The following PFDN1 variants were observed in gnomAD, a reference collection of about 807,000 sequenced individuals.
The protein encoded by PFDN1 is prefoldin 1.
In PFDN1, 6 loss-of-function variants were observed where a neutral mutation model predicts 17.3. The observed-to-expected ratio is 0.35, with a 90% CI of 0.19 to 0.69. The LOEUF is 0.69. Ranked by LOEUF, PFDN1 falls within the 30% of genes least tolerant of loss-of-function variation. The pLI is 0.65. For missense variants in PFDN1, 113 were observed against 146.2 expected, an observed-to-expected ratio of 0.77 and a Z score of 1.17; for synonymous variants, 58 against 50.1, an observed-to-expected ratio of 1.16 and a Z score of -0.67.
At chr5:140,269,252 A>T (rs951748438) in intron 3 of PFDN1, among the ~76,000 whole-genome samples, 3 of 151,584 alleles carry the variant, frequency 2.0e-5, no homozygotes, top group African/African-American at 4.9e-5. Flanking sequence ...GGCTCAAAAG[A>T]TCTGCCTGCC....
At chr5:140,299,362 T>G (rs1412702466) in intron 2 of PFDN1, among the ~76,000 whole-genome samples, 1 of 152,078 alleles carries the variant, frequency 6.6e-6, no homozygotes, top group Admixed American at 6.5e-5. Context: ...CCCAGCACTG[T>G]GGGAGGCCAA....
intron 2 of PFDN1, among the ~76,000 whole-genome samples, chr5:140,294,602 A>G (rs541901005): frequency 3.9e-5 from 6 of 152,232 alleles, no homozygotes; most frequent in Admixed American, 3.3e-4. Context: ...CAAAACCAAC[A>G]TAACATTCTA....
intron 3 of PFDN1, among the ~76,000 whole-genome samples, chr5:140,257,573 C>A (rs982970354): frequency 3.3e-5 from 5 of 152,250 alleles, no homozygotes; most frequent in African/African-American, 1.2e-4. Flanking sequence ...TCCAGTAACT[C>A]TCTAAAACAT....
At chr5:140,276,015 TTG>T (rs1765285615) in intron 3 of PFDN1, among the ~76,000 whole-genome samples, 1 of 149,256 alleles carries the variant, frequency 6.7e-6, no homozygotes, top group South Asian at 2.2e-4. Flanking sequence ...AGAAGAGAAA[TTG>T]ATGATGATGA....
At chr5:140,287,537 C>T (rs1459531987) in intron 2 of PFDN1, among the ~76,000 whole-genome samples, 1 of 152,100 alleles carries the variant, frequency 6.6e-6, no homozygotes, top group Non-Finnish European at 1.5e-5. Flanking sequence ...ACCACAGCTT[C>T]TTGGAAAAAT....
chr5:140,276,468 A>G (rs1765294934), intron 3 of PFDN1, among the ~76,000 whole-genome samples: 2 of 152,176 alleles, frequency 1.3e-5, no homozygotes, highest in South Asian at 4.1e-4. Flanking sequence ...GCAGAATGAA[A>G]AAAGAGCAAG....
intron 2 of PFDN1, among the ~76,000 whole-genome samples, chr5:140,286,595 T>TGCGG (rs1311899086): frequency 2.2e-4 from 1 of 4,454 alleles, no homozygotes; most frequent in Non-Finnish European, 1.0e-3. Flanking sequence ...CAATTTTTTT[T>TGCGG]GCGGGGGGGG....
chr5:140,300,593 C>T lies in PFDN1; in HGVS notation c.34-11G>A. 1 of 1,580,822 alleles carries T rather than the reference C, an allele frequency of 6.3e-7. No homozygotes were observed. The highest frequency in any genetic ancestry group is 8.6e-7 in the Non-Finnish European group (1 of 1,161,580). ...AAGCTCTGTGAAGGCCTAATAAAAACAAGTCCATGATTTAGTAGGTAAAAC... is the reference window on the plus strand; with the variant it reads ...AAGCTCTGTGAAGGCCTAATAAAAATAAGTCCATGATTTAGTAGGTAAAAC... On this transcript the variant is annotated splice_polypyrimidine_tract_variant and intron_variant, in intron 1 of 3. Coordinates refer to ENST00000261813, the MANE Select transcript of PFDN1 (RefSeq NM_002622.5).
intron 2 of PFDN1, among the ~76,000 whole-genome samples, chr5:140,287,511 A>G (rs1718623990): frequency 6.6e-6 from 1 of 152,196 alleles, no homozygotes; most frequent in Non-Finnish European, 1.5e-5. Context: ...CCACTCTCCA[A>G]TAAAAGGAAT....
chr5:140,248,509 C>T (rs762194288), intron 3 of PFDN1, among the ~76,000 whole-genome samples: 7 of 152,204 alleles, frequency 4.6e-5, no homozygotes, highest in Non-Finnish European at 1.0e-4. Flanking sequence ...ACCTGGGCAC[C>T]CTGTGGACCC....
chr5:140,295,414 C>T (rs1765637691), intron 2 of PFDN1, among the ~76,000 whole-genome samples: 1 of 152,110 alleles, frequency 6.6e-6, no homozygotes, highest in Non-Finnish European at 1.5e-5. Flanking sequence ...TTTGTCTATT[C>T]CCTCCTTGCA....
chr5:140,288,637 A>G (rs974897641), intron 2 of PFDN1, among the ~76,000 whole-genome samples: 1 of 152,188 alleles, frequency 6.6e-6, no homozygotes, highest in Non-Finnish European at 1.5e-5. Context: ...AGGGAGTGAG[A>G]GCTTGCTGTT....
intron 3 of PFDN1, among the ~76,000 whole-genome samples, chr5:140,272,954 G>A (rs1204494283): frequency 6.6e-6 from 1 of 152,132 alleles, no homozygotes; most frequent in Non-Finnish European, 1.5e-5. Flanking sequence ...ATGAACTGCT[G>A]GGCATATGTC....
chr5:140,276,018 A>C (rs1020048714), intron 3 of PFDN1, among the ~76,000 whole-genome samples: 1 of 55,748 alleles, frequency 1.8e-5, no homozygotes, highest in African/African-American at 5.3e-5. Flanking sequence ...AGAGAAATTG[A>C]TGATGATGAT....
chr5:140,298,628 A>C (rs1529693), intron 2 of PFDN1, among the ~76,000 whole-genome samples: 1 of 152,050 alleles, frequency 6.6e-6, no homozygotes, highest in Non-Finnish European at 1.5e-5. Flanking sequence ...AAGAAAAAAA[A>C]GTGAAATGTA....
chr5:140,267,855 A>T (rs1268781103), intron 3 of PFDN1, among the ~76,000 whole-genome samples: 5 of 152,226 alleles, frequency 3.3e-5, no homozygotes, highest in Admixed American at 3.3e-4. Context: ...TTTCATATAA[A>T]AACAGACTAT....
intron 2 of PFDN1, among the ~76,000 whole-genome samples, chr5:140,294,996 T>C (rs189342036): frequency 5.5e-4 from 83 of 152,126 alleles, no homozygotes; most frequent in African/African-American, 1.9e-3. Flanking sequence ...TATTTTTAGT[T>C]AGGTTCAAGT....
intron 3 of PFDN1, among the ~76,000 whole-genome samples, chr5:140,280,220 GATA>G (rs1471296689): frequency 6.7e-6 from 1 of 149,286 alleles, no homozygotes; most frequent in Non-Finnish European, 1.5e-5. Flanking sequence ...TATTCATTAG[GATA>G]ATTTTAAATA....
chr5:140,250,597 GA>G (rs1313067057), intron 3 of PFDN1, among the ~76,000 whole-genome samples: 5 of 152,224 alleles, frequency 3.3e-5, no homozygotes, highest in African/African-American at 7.2e-5. Context: ...TCTGTCACCT[GA>G]TACGGTCCTA....
Sources: gnomAD v4.1 joint callset for allele counts (sites outside exome capture counted in the v4.1 genomes callset) on GRCh38, gnomAD v4.1.1 for gene constraint, MANE v1.5 for transcripts, NCBI Gene and HGNC (gene_info 2026-07-23, HGNC 2026-07-21) for gene names.